NTM: variants seen among roughly 807,000 people sequenced by gnomAD.
The protein encoded by NTM is IgLON family member 2.
In NTM, 13 loss-of-function variants were observed where a neutral mutation model predicts 42.1. The observed-to-expected ratio is 0.31, with a 90% confidence interval of 0.20 to 0.49. The LOEUF (loss-of-function observed/expected upper bound fraction) is 0.49, where lower values mean the gene tolerates loss of function less well. NTM is among the 20% of genes least tolerant of loss of function. NTM has a pLI of 0.99. For missense variants in NTM, 373 were observed against 452.8 expected (o/e 0.82, Z 1.60); for synonymous variants, 187 against 179.2 (o/e 1.04, Z -0.35).
intron 1 of NTM, among the ~76,000 whole-genome samples, chr11:131,892,342 AAG>A (rs979479976): frequency 6.6e-6 from 1 of 152,230 alleles, no homozygotes; most frequent in East Asian, 1.9e-4. Context: ...TAACCGTGCA[AAG>A]AGAGAGAATC....
In NTM at chr11:131,868,640, C is replaced by A. The variant is rs569330663; in HGVS notation, c.83-42924C>A. ...GCCAAACTGAGTTTCTTGCGATGTCCGTGCACACCCTGAGCTCTGTGTCAC... is the reference window on the plus strand; with the variant it reads ...GCCAAACTGAGTTTCTTGCGATGTCAGTGCACACCCTGAGCTCTGTGTCAC... On this transcript the variant is annotated intron_variant, in intron 1 of 8. Coordinates refer to ENST00000683400, the MANE Select transcript of NTM (RefSeq NM_001352005.2). Among the ~76,000 whole-genome samples, 5 of 152,288 alleles carry A rather than the reference C, an allele frequency of 3.3e-5. No individual in the cohort carries two copies. The South Asian group carries it at 1.0e-3, about 32-fold the overall frequency.
chr11:131,869,219 C>G (rs1238939871), intron 1 of NTM, among the ~76,000 whole-genome samples: 1 of 152,176 alleles, frequency 6.6e-6, no homozygotes, highest in African/African-American at 2.4e-5. Context: ...ATCTCCCGGG[C>G]CCTCTCCCTT....
At chr11:131,864,075 G>A (rs7108867) in intron 1 of NTM, among the ~76,000 whole-genome samples, 46,540 of 151,770 alleles carry the variant, frequency 0.31, 7,508 homozygotes, top group East Asian at 0.45. Flanking sequence ...AGGGAAGGAA[G>A]GAAGAGAAGT....
chr11:131,907,961 TTGTTAATTA>T (rs2054105608), intron 1 of NTM, among the ~76,000 whole-genome samples: 1 of 152,250 alleles, frequency 6.6e-6, no homozygotes, highest in African/African-American at 2.4e-5. Flanking sequence ...GGATTTTGTC[TTGTTAATTA>T]TGTGGGCATC....
At chr11:132,250,803 A>T (rs1466977125) in intron 4 of NTM, among the ~76,000 whole-genome samples, 1 of 152,098 alleles carries the variant, frequency 6.6e-6, no homozygotes, top group South Asian at 2.1e-4. Context: ...TCTTTATATA[A>T]AGATATTTGT....
chr11:131,910,889 C>T (rs2054765129), intron 1 of NTM: 13 of 985,588 alleles, frequency 1.3e-5, no homozygotes, highest in Non-Finnish European at 1.6e-5. Flanking sequence ...GGGCCCGGAT[C>T]GCACGAAGCC....
chr11:131,844,295 T>C (rs901598005), intron 1 of NTM, among the ~76,000 whole-genome samples: 1 of 152,120 alleles, frequency 6.6e-6, no homozygotes, highest in South Asian at 2.1e-4. Context: ...TTCCATTTGG[T>C]GTGGTTCTGT....
chr11:132,081,948 TTATA>T (rs10547769), intron 2 of NTM, among the ~76,000 whole-genome samples: 140 of 144,196 alleles, frequency 9.7e-4, no homozygotes, highest in African/African-American at 1.9e-3. Context: ...ATATATATAT[TTATA>T]TATATATATA....
intron 4 of NTM, among the ~76,000 whole-genome samples, chr11:132,235,467 A>G (rs1311789610): frequency 6.6e-6 from 1 of 152,186 alleles, no homozygotes; most frequent in African/African-American, 2.4e-5. Context: ...GAATTAGCAG[A>G]TGCCTAGAAT....
chr11:132,314,923 T>TGGCCGGGCGCGGTGGCTC, intron 7 of NTM: 1 of 1,319,970 alleles, frequency 7.6e-7, no homozygotes. Context: ...AGATACAGTT[T>TGGCCGGGCGCGGTGGCTC]ACATGTATAC....
intron 2 of NTM, among the ~76,000 whole-genome samples, chr11:132,121,878 G>A (rs79794120): frequency 0.012 from 1,757 of 152,242 alleles, 35 homozygotes; most frequent in African/African-American, 0.04. Context: ...CTTCTTTGAC[G>A]AGTGTTTTGG....
chr11:132,052,375 A>AGT (rs2078974476), intron 2 of NTM, among the ~76,000 whole-genome samples: 1 of 152,090 alleles, frequency 6.6e-6, no homozygotes, highest in East Asian at 1.9e-4. Flanking sequence ...CCCCTTAGAC[A>AGT]GTGATGTTTG....
intron 1 of NTM, among the ~76,000 whole-genome samples, chr11:131,885,162 G>C (rs1428101885): frequency 6.6e-6 from 1 of 152,246 alleles, no homozygotes; most frequent in African/African-American, 2.4e-5. Flanking sequence ...CCTCACCCGG[G>C]AAGCAGAGAG....
At chr11:131,816,712 G>GT (rs1380114015) in intron 1 of NTM, among the ~76,000 whole-genome samples, 1 of 152,060 alleles carries the variant, frequency 6.6e-6, no homozygotes, top group African/African-American at 2.4e-5. Context: ...TGAGGTTTTA[G>GT]AGGCGAAGTG....
rs139478138 is a variant in NTM at position 132,154,481 on chromosome 11, A to G, written c.400+7967A>G. 3.8e-3 allele frequency among the ~76,000 whole-genome samples: 582 copies of G among 152,322 alleles called. 4 individuals are homozygous for G. Among genetic ancestry groups the G allele is most frequent in the African/African-American group, 0.01 (433 of 41,578 alleles). On this transcript the variant is annotated intron_variant, in intron 3 of 8. Transcript: ENST00000683400. ...AAAATCTCTCCAATGTATGTCTTAC[A>G]TTTGAATTTGTAATAATGATTCTTC...
chr11:132,276,931 G>T lies in NTM; in HGVS notation c.527-30758G>T, dbSNP rs2093749477. On this transcript the variant is annotated intron_variant, in intron 4 of 8. Coordinates refer to ENST00000683400, the MANE Select transcript of NTM (RefSeq NM_001352005.2). ...GGGGTGGTCTTAGGGACTCCTGACA[G>T]ATAGTTGGCTTATTCTATTCCACTA... is the stretch of plus-strand genomic sequence containing the variant. Among the ~76,000 whole-genome samples the T allele has an allele frequency of 2.0e-5, 3 of 152,158 alleles. No individual in the cohort carries two copies. In the South Asian group the frequency reaches 6.2e-4, roughly 32 times the overall value.
intron 4 of NTM, among the ~76,000 whole-genome samples, chr11:132,243,914 T>C (rs2139260527): frequency 6.6e-6 from 1 of 152,306 alleles, no homozygotes; most frequent in South Asian, 2.1e-4. Context: ...GAGTGGAGGC[T>C]GCCAGGGTTT....
chr11:132,315,898 AC>A (rs1191113107), intron 7 of NTM, among the ~76,000 whole-genome samples: 1 of 152,164 alleles, frequency 6.6e-6, no homozygotes, highest in Non-Finnish European at 1.5e-5. Flanking sequence ...GGCATCTCTC[AC>A]ACAGGGATGA....
chr11:131,889,212 G>A (rs1054561704), intron 1 of NTM, among the ~76,000 whole-genome samples: 1 of 152,220 alleles, frequency 6.6e-6, no homozygotes, highest in African/African-American at 2.4e-5. Context: ...CAGGCCTGGA[G>A]TTTCCCCATA....
Sources: allele counts gnomAD v4.1 joint callset (sites outside exome capture counted in the v4.1 genomes callset), GRCh38; gene constraint gnomAD v4.1.1; transcripts MANE v1.5; gene names NCBI Gene and HGNC (gene_info 2026-07-23, HGNC 2026-07-21).